The following ESS2 variants were observed in gnomAD, a reference collection of about 807,000 sequenced individuals.
ESS2 encodes ess-2 spliceosome associated protein.
Under a neutral mutation model 52.0 loss-of-function variants are expected in ESS2, and 31 were observed. That is an observed-to-expected ratio of 0.60 (90% CI 0.45 to 0.81). The LOEUF (loss-of-function observed/expected upper bound fraction) is 0.81, where lower values mean the gene tolerates loss of function less well. Ranked by LOEUF, ESS2 falls within the 30% of genes least tolerant of loss-of-function variation. The probability of loss-of-function intolerance (pLI) is 0.00; values close to 1 mark genes in which losing one functional copy is unlikely to be tolerated. For missense variants in ESS2, 602 were observed against 637.2 expected (o/e 0.94, Z 0.59); for synonymous variants, 285 against 259.2 (o/e 1.10, Z -0.95).
Position 19,135,121 on chromosome 22 carries a change from C to T in ESS2, c.1090G>A (p.Ala364Thr), listed in dbSNP as rs754673515. 2.5e-6 allele frequency: 4 copies of T among 1,614,020 alleles called. No homozygotes were observed. The highest frequency in any genetic ancestry group is 2.5e-6 in the Non-Finnish European group (3 of 1,179,940). Residue 364 changes from alanine (A) to threonine (T), a missense_variant, in exon 9 of 10, where the codon GCT becomes ACT. Physicochemically the swap from Ala to Thr is moderately conservative, Grantham distance 58 (BLOSUM62 0). Coordinates refer to ENST00000252137, the MANE Select transcript of ESS2 (RefSeq NM_022719.3). ...TGCTTCTTGGCCCGGTTCTTGGCAG[C>T]GGCCTCGTTGGCCATCTTCAGACCC... ...RLGLKMANEA[A>T]AKNRAKKQEA...
Position 19,131,618 on chromosome 22 carries a change from C to T in ESS2, c.*2578G>A. 1 of 1,614,174 alleles carries T rather than the reference C, an allele frequency of 6.2e-7. No individual in the cohort carries two copies. ...CAACTGTCAACCACGGCTCCATCATCAAGACTTACGAGATCTTTGAGACCT... is the reference window on the plus strand; with the variant it reads ...CAACTGTCAACCACGGCTCCATCATTAAGACTTACGAGATCTTTGAGACCT... On this transcript the variant is annotated 3_prime_UTR_variant, in exon 10 of 10. Transcript: ENST00000252137. This position sits in a 1 kb window ranked among gnomAD's most constrained non-coding sequence, Gnocchi z 5.7.
Position 19,142,716 on chromosome 22 carries a change from G to A in ESS2, c.304+10C>T, listed in dbSNP as rs1569113454. ...CTTTCCCCTCTCCGCCACCCACAGG[G>A]TCCTCATACAGGGTGGCGGGGGCTC... On this transcript the variant is annotated intron_variant, in intron 2 of 9. Transcript: ENST00000252137. 3 of 1,613,054 alleles carry A rather than the reference G, an allele frequency of 1.9e-6. No individual in the cohort carries two copies. Among genetic ancestry groups the A allele is most frequent in the Admixed American group, 3.3e-5 (2 of 59,856 alleles).
At chr22:19,137,200 G>C in intron 8 of ESS2, 123 bp downstream of exon 8, 2 of 703,446 alleles carry the variant, frequency 2.8e-6, no homozygotes, top group Non-Finnish European at 4.8e-6. Context: ...ATTCAGAAAA[G>C]CCAGCACTCT....
chr22:19,135,498 G>A (rs540167544), intron 8 of ESS2, among the ~76,000 whole-genome samples: 3 of 152,306 alleles, frequency 2.0e-5, no homozygotes, highest in South Asian at 2.1e-4. Context: ...TATTTCGGGC[G>A]CTTCCCCGTG....
At position 19,135,187 on chromosome 22, in the gene ESS2, C is replaced by A. The variant is rs767867583; in HGVS notation, c.1036-12G>T. 1.9e-6 allele frequency: 3 copies of A among 1,607,776 alleles called. No homozygotes were observed. In the Admixed American group the frequency reaches 5.0e-5, roughly 27 times the overall value. Reference sequence around the variant, plus strand: ...CCTGGCTCCAGGATCTACAAGGTAGCAGGTGTGTGGGTAGCTGCGCCAGGC... The same window carrying A: ...CCTGGCTCCAGGATCTACAAGGTAGAAGGTGTGTGGGTAGCTGCGCCAGGC... On this transcript the variant is annotated splice_polypyrimidine_tract_variant and intron_variant, in intron 8 of 9. Coordinates refer to ENST00000252137, the MANE Select transcript of ESS2 (RefSeq NM_022719.3).
Position 19,131,160 on chromosome 22 carries a change from G to T in ESS2, c.*3036C>A. On this transcript the variant is annotated 3_prime_UTR_variant, in exon 10 of 10. Transcript: ENST00000252137. The surrounding 1 kb of genome is among the most constrained non-coding windows in gnomAD (Gnocchi z 5.7). ...GTGGGTGCTCCTGCCAGACCAGCCTGGCTTCCACGGTTCCAGAGACCCTGT... is the reference window on the plus strand; with the variant it reads ...GTGGGTGCTCCTGCCAGACCAGCCTTGCTTCCACGGTTCCAGAGACCCTGT... The T allele has an allele frequency of 2.0e-6, 1 of 495,814 alleles. No individual in the cohort carries two copies. Among genetic ancestry groups the T allele is most frequent in the Non-Finnish European group, 3.6e-6 (1 of 279,234 alleles). The allele number at this position is 495,814 out of a possible 1,614,324, so 30.7% of individuals were successfully genotyped here.
chr22:19,134,574 C>G, intron 9 of ESS2, 99 bp from the exon 10 acceptor site: 1 of 1,282,824 alleles, frequency 7.8e-7, no homozygotes, highest in Non-Finnish European at 1.0e-6. Context: ...TGGGCAGAGA[C>G]ACAGTCACTC....
At chr22:19,140,225 C>G (rs1029155830) in intron 3 of ESS2, among the ~76,000 whole-genome samples, 2 of 152,190 alleles carry the variant, frequency 1.3e-5, no homozygotes, top group African/African-American at 4.8e-5. Context: ...CCAGAGAGCC[C>G]TCAGGTGGTA....
At chr22:19,137,803 A>G (rs1269509566) in intron 7 of ESS2, 26 of 985,294 alleles carry the variant, frequency 2.6e-5, no homozygotes, top group Non-Finnish European at 3.0e-5. Context: ...CCAGCACCCA[A>G]GAGCACAGAG....
chr22:19,136,403 G>A (rs1466058569), intron 8 of ESS2, among the ~76,000 whole-genome samples: 1 of 151,546 alleles, frequency 6.6e-6, no homozygotes, highest in Non-Finnish European at 1.5e-5. Flanking sequence ...TTTTCTTCTG[G>A]TTGTTTTATG....
At position 19,132,417 on chromosome 22, in the gene ESS2, A is replaced by C; in HGVS notation, c.*1779T>G. On this transcript the variant is annotated 3_prime_UTR_variant, in exon 10 of 10. Transcript: ENST00000252137. The surrounding 1 kb of genome is among the most constrained non-coding windows in gnomAD (Gnocchi z 4.2). ...CAGGATGGAGGACAGGCTGGCCGAG[A>C]CCTCCAGGGCCAAAGACCATCACAT... The C allele has an allele frequency of 1.1e-5, 17 of 1,612,518 alleles. No homozygotes were observed. The highest frequency in any genetic ancestry group is 1.4e-5 in the Non-Finnish European group (16 of 1,179,926).
intron 1 of ESS2, 170 bp downstream of exon 1, chr22:19,144,336 A>G: frequency 7.0e-7 from 1 of 1,419,404 alleles, no homozygotes; most frequent in Non-Finnish European, 9.2e-7. Context: ...AGCCTCTTCC[A>G]CCACAGACGT....
rs1474071742 is a variant in ESS2, at chr22:19,139,943, G to A, written c.482C>T (p.Ala161Val). 21 of 1,614,166 alleles carry A rather than the reference G, an allele frequency of 1.3e-5. No homozygotes were observed. The highest frequency in any genetic ancestry group is 1.6e-5 in the Non-Finnish European group (19 of 1,180,022). Residue 161 changes from alanine to valine, a missense_variant, in exon 4 of 10, where the codon GCC (alanine) becomes GTC (valine). Coordinates refer to ENST00000252137, the MANE Select transcript of ESS2 (RefSeq NM_022719.3). Reference protein sequence around the residue: ...FLSRYTSEDNASFQEIMEVAK... With the variant: ...FLSRYTSEDNVSFQEIMEVAK... ...CACCTCCATGATCTCCTGGAAGGAG[G>A]CATTGTCCTCACTCGTGTAGCGGCT...
At chr22:19,139,823 C>T (rs370617603) in intron 4 of ESS2, 32 bp downstream of exon 4, 163 of 1,613,720 alleles carry the variant, frequency 1.0e-4, no homozygotes, top group Non-Finnish European at 1.3e-4. Flanking sequence ...AGGGTGCCTA[C>T]GCCTATGTGA....
chr22:19,137,302 TC>T lies in ESS2; in HGVS notation c.1035+20del, dbSNP rs777604064. 10 of 1,584,162 alleles carry T rather than the reference TC, an allele frequency of 6.3e-6. No homozygotes were observed. The highest frequency in any genetic ancestry group is 1.1e-5 in the South Asian group (1 of 88,676). On this transcript the variant is annotated intron_variant, in intron 8 of 9. Transcript: ENST00000252137. ...GGTGTCCACCCCGGTCGCACACAGT[TC>T]CCCCATCACCACAACCCACCTTAAA...
chr22:19,139,103 C>T lies in ESS2; in HGVS notation c.822+56G>A. 19 of 1,537,646 alleles carry T rather than the reference C, an allele frequency of 1.2e-5. No homozygotes were observed. In the South Asian group the frequency reaches 2.3e-4, roughly 18 times the overall value. On this transcript the variant is annotated intron_variant, in intron 6 of 9. Coordinates refer to ENST00000252137, the MANE Select transcript of ESS2 (RefSeq NM_022719.3). Reference sequence around the variant, plus strand: ...AAGAGATGGGAGAGATCATGCCTGCCCCCAGGCAGCCCTGTCCAACCTGGC... The same window carrying T: ...AAGAGATGGGAGAGATCATGCCTGCTCCCAGGCAGCCCTGTCCAACCTGGC...
In ESS2 at chr22:19,144,154, C is replaced by T. The variant is rs941886686; in HGVS notation, c.135+352G>A. ...ATGCTGTCACAACTGCGGTCTCTTT[C>T]CAGGAACCCCAGCATTCACACTTGC... On this transcript the variant is annotated intron_variant, in intron 1 of 9. Coordinates refer to ENST00000252137, the MANE Select transcript of ESS2 (RefSeq NM_022719.3). 8 of 1,069,614 alleles carry T rather than the reference C, an allele frequency of 7.5e-6. No homozygotes were observed. In the South Asian group the frequency reaches 2.3e-4, roughly 31 times the overall value. The allele number at this position is 1,069,614 out of a possible 1,614,324, so 66.3% of individuals were successfully genotyped here. A position where few individuals can be genotyped will look rare whatever the true frequency, so the allele number is the denominator to read the frequency against.
rs2083504374 is a variant in ESS2 at position 19,131,366 on chromosome 22, G to A, written c.*2830C>T. On this transcript the variant is annotated 3_prime_UTR_variant, in exon 10 of 10. Transcript: ENST00000252137. The surrounding 1 kb of genome is among the most constrained non-coding windows in gnomAD (Gnocchi z 5.7). ...CTGCTGGCCCACATGACGGGGGGATGTAGACGGCAGCGGCGCCAGTCGCTC... is the reference window on the plus strand; with the variant it reads ...CTGCTGGCCCACATGACGGGGGGATATAGACGGCAGCGGCGCCAGTCGCTC... 1 of 1,542,180 alleles carries A rather than the reference G, an allele frequency of 6.5e-7. No homozygotes were observed. Among genetic ancestry groups the A allele is most frequent in the Non-Finnish European group, 8.8e-7 (1 of 1,136,468 alleles).
chr22:19,142,195 A>G (rs2083698363), intron 3 of ESS2, among the ~76,000 whole-genome samples: 2 of 152,214 alleles, frequency 1.3e-5, no homozygotes, highest in South Asian at 4.1e-4. Context: ...AGTGACCAAC[A>G]TGAAGGAAAC....
Sources: allele counts gnomAD v4.1 joint callset (sites outside exome capture counted in the v4.1 genomes callset), GRCh38; gene constraint gnomAD v4.1.1; non-coding constraint Gnocchi (gnomAD v3.1); transcripts MANE v1.5; gene names NCBI Gene and HGNC (gene_info 2026-07-23, HGNC 2026-07-21).